Variants in FCHO2 observed in about 807,000 individuals in gnomAD.
The protein encoded by FCHO2 is FCH and mu domain containing endocytic adaptor 2.
FCHO2 carries 43 observed loss-of-function variants against 114.1 expected under a neutral mutation model. The observed-to-expected ratio is 0.38, with a 90% confidence interval of 0.30 to 0.49. The LOEUF is 0.49. Among genes scored for constraint, FCHO2 ranks in the 20% least tolerant of loss-of-function variants. The pLI is 0.97. For synonymous variants in FCHO2, 293 were observed against 315.2 expected (o/e 0.93, Z 0.75); for missense variants, 807 against 950.4 (o/e 0.85, Z 1.98).
intron 5 of FCHO2, among the ~76,000 whole-genome samples, chr5:73,005,462 G>T (rs1754664994): frequency 6.6e-6 from 1 of 152,090 alleles, no homozygotes; most frequent in African/African-American, 2.4e-5. Flanking sequence ...CTACCCTACT[G>T]TTTCTCACTC....
chr5:73,029,558 A>G (rs1170136769), intron 8 of FCHO2, among the ~76,000 whole-genome samples: 1 of 152,160 alleles, frequency 6.6e-6, no homozygotes, highest in African/African-American at 2.4e-5. Context: ...TAGTGTTGCT[A>G]AAAAGAAATA....
chr5:72,998,214 G>A (rs974152922), intron 5 of FCHO2, among the ~76,000 whole-genome samples: 6 of 152,082 alleles, frequency 3.9e-5, no homozygotes, highest in African/African-American at 9.7e-5. Context: ...GTGGTCAGGC[G>A]CGGTGGCTCA....
In FCHO2 at chr5:73,065,067, T is replaced by A. The variant is rs559379130; in HGVS notation, c.1449+1123T>A. On this transcript the variant is annotated intron_variant, in intron 18 of 25. Transcript: ENST00000430046. The stretch of plus-strand genomic sequence containing the variant: ...TGTTGGGTGGTACACAGTTATGAAA[T>A]CTTCAGTGAATATATTGAAAAGCTT... Among the ~76,000 whole-genome samples, 7 of 152,104 alleles carry A rather than the reference T, an allele frequency of 4.6e-5. No individual in the cohort carries two copies. The South Asian group carries it at 1.4e-3, about 32-fold the overall frequency.
chr5:72,991,261 G>A (rs908291976), intron 5 of FCHO2, among the ~76,000 whole-genome samples: 3 of 151,986 alleles, frequency 2.0e-5, no homozygotes, highest in African/African-American at 7.2e-5. Flanking sequence ...ATGGGGTTTC[G>A]CCATGTTAGT....
At chr5:73,010,797 A>T (rs1472220646) in intron 6 of FCHO2, among the ~76,000 whole-genome samples, 3 of 150,946 alleles carry the variant, frequency 2.0e-5, no homozygotes, top group Non-Finnish European at 4.4e-5. Context: ...GAATTGCTTG[A>T]AATGGGAAGC....
At chr5:73,062,506 A>G (rs1561487321) in intron 17 of FCHO2, among the ~76,000 whole-genome samples, 1 of 152,062 alleles carries the variant, frequency 6.6e-6, no homozygotes, top group Non-Finnish European at 1.5e-5. Context: ...GGGAAGTGTT[A>G]TGGGCTTCAG....
intron 10 of FCHO2, among the ~76,000 whole-genome samples, chr5:73,038,791 A>G (rs1241254663): frequency 6.6e-6 from 1 of 152,186 alleles, no homozygotes. Context: ...TGAAGGGTAT[A>G]TTTTTAAGGG....
At chr5:73,006,851 G>A (rs1754744112) in intron 6 of FCHO2, among the ~76,000 whole-genome samples, 2 of 152,074 alleles carry the variant, frequency 1.3e-5, no homozygotes, top group African/African-American at 4.8e-5. Context: ...AAGAAAACTG[G>A]AAGTGACTTA....
rs556085511 is a variant in FCHO2 at position 73,056,218 on chromosome 5, G to GC, written c.1253+115dup. On this transcript the variant is annotated intron_variant, in intron 16 of 25. Transcript: ENST00000430046. ...ACAGAGATTTCCCTTTATGCTCCCT[G>GC]CCCCTTCATATGCCCAGTCTCTCTC... 5.2e-4 allele frequency: 390 copies of GC among 751,416 alleles called. 4 individuals are homozygous for GC. In the African/African-American group the frequency reaches 6.0e-3, roughly 12 times the overall value. 46.5% of individuals were successfully genotyped at this position (751,416 alleles called of 1,614,324 possible).
intron 6 of FCHO2, among the ~76,000 whole-genome samples, chr5:73,015,017 A>G (rs970119352): frequency 7.0e-6 from 1 of 141,936 alleles, no homozygotes; most frequent in Non-Finnish European, 1.5e-5. Flanking sequence ...CGGAGCTTCC[A>G]GTGAGCCAAG....
At position 72,956,095 on chromosome 5, in the gene FCHO2, C is replaced by T; in HGVS notation, c.-2C>T. 2 of 1,540,698 alleles carry T rather than the reference C, an allele frequency of 1.3e-6. No individual in the cohort carries two copies. The highest frequency in any genetic ancestry group is 1.8e-6 in the Non-Finnish European group (2 of 1,142,672). ...CGCGGAACCCGGCGCGGCGGCGGCA[C>T]GATGGTCATGGCGTATTTCGTCGAG... On this transcript the variant is annotated 5_prime_UTR_variant, in exon 1 of 26. In the 5' UTR this introduces an upstream ATG that the reference lacks. Coordinates refer to ENST00000430046, the MANE Select transcript of FCHO2 (RefSeq NM_138782.3).
chr5:72,981,416 C>T (rs1181650768), intron 2 of FCHO2, among the ~76,000 whole-genome samples: 5 of 152,070 alleles, frequency 3.3e-5, no homozygotes, highest in African/African-American at 4.8e-5. Flanking sequence ...CTGACAATTA[C>T]GTGTCTTGGG....
intron 8 of FCHO2, chr5:73,021,007 A>G (rs372080984): frequency 1.8e-5 from 27 of 1,493,768 alleles, no homozygotes; most frequent in African/African-American, 1.2e-4. Flanking sequence ...ATTATCCTCA[A>G]TGGGGTGGAA....
At chr5:72,966,718 G>T (rs145208337) in intron 1 of FCHO2, among the ~76,000 whole-genome samples, 1 of 152,322 alleles carries the variant, frequency 6.6e-6, no homozygotes, top group African/African-American at 2.4e-5. Context: ...GTTTTCAGTG[G>T]ACTGTGGAAA....
chr5:72,989,345 C>A, intron 2 of FCHO2, 82 bp from the exon 3 acceptor site: 2 of 975,866 alleles, frequency 2.0e-6, no homozygotes, highest in Non-Finnish European at 3.0e-6. Context: ...TTTTGTTTTG[C>A]ACTTTTAATT....
In FCHO2 at chr5:73,068,659, T is replaced by A; in HGVS notation, c.1459T>A (p.Phe487Ile). 6.2e-7 allele frequency: 1 copy of A among 1,610,938 alleles called. No individual in the cohort carries two copies. Residue 487 changes from phenylalanine (F) to isoleucine (I), a missense_variant, in exon 19 of 26, where the codon TTC becomes ATC. Phe to Ile is a conservative substitution (Grantham distance 21). Coordinates refer to ENST00000430046, the MANE Select transcript of FCHO2 (RefSeq NM_138782.3). ...ACTTTTTGTTTTTAAGCCCAGGCCA[T>A]TCAGCCCACCTGTAACTTCCAACAC... ...LSGINEIPRP[F>I]SPPVTSNTSP...
chr5:73,082,911 G>C (rs1483621212), intron 24 of FCHO2, 86 bp downstream of exon 24: 14 of 1,188,230 alleles, frequency 1.2e-5, no homozygotes, highest in Non-Finnish European at 1.5e-5. Flanking sequence ...GTCTAGCTTT[G>C]TTGCCAGGCT....
chr5:73,074,919 TTGG>T, intron 20 of FCHO2, 66 bp downstream of exon 20: 1 of 1,260,200 alleles, frequency 7.9e-7, no homozygotes, highest in Non-Finnish European at 1.1e-6. Context: ...GTGGTGGGGC[TTGG>T]TGGTAAATTT....
chr5:73,046,167 T>C (rs1329381656), intron 11 of FCHO2, among the ~76,000 whole-genome samples: 1 of 152,194 alleles, frequency 6.6e-6, no homozygotes, highest in African/African-American at 2.4e-5. Context: ...TTGGCTCAAG[T>C]GATCCTTCCT....
Sources: gnomAD v4.1 joint callset for allele counts (sites outside exome capture counted in the v4.1 genomes callset) on GRCh38, gnomAD v4.1.1 for gene constraint, MANE v1.5 for transcripts, NCBI Gene and HGNC (gene_info 2026-07-23, HGNC 2026-07-21) for gene names.